The following KIF21A variants were observed in gnomAD, a reference collection of about 807,000 sequenced individuals.
KIF21A encodes the protein kinesin-like protein KIF21A.
In KIF21A, 114 loss-of-function variants were observed where a neutral mutation model predicts 202.9. The observed-to-expected ratio is 0.56, with a 90% CI of 0.48 to 0.66. The LOEUF (loss-of-function observed/expected upper bound fraction) is 0.66, where lower values mean the gene tolerates loss of function less well. Among genes scored for constraint, KIF21A ranks in the 30% least tolerant of loss-of-function variants. KIF21A has a pLI of 0.00. For missense variants in KIF21A, 1,677 were observed against 1,994.9 expected, an observed-to-expected ratio of 0.84 and a Z score of 3.04; for synonymous variants, 667 against 670.8, an observed-to-expected ratio of 0.99 and a Z score of 0.09.
intron 1 of KIF21A, among the ~76,000 whole-genome samples, chr12:39,371,315 G>A (rs1027516529): frequency 2.0e-5 from 3 of 152,038 alleles, no homozygotes; most frequent in Admixed American, 6.6e-5. Context: ...AAAACTTAGT[G>A]AATTATTATG....
chr12:39,298,213 G>A (rs1416953105), intron 37 of KIF21A, among the ~76,000 whole-genome samples: 2 of 152,112 alleles, frequency 1.3e-5, no homozygotes, highest in African/African-American at 4.8e-5. Flanking sequence ...CAAAGGGAGA[G>A]GGAACCCAAG....
At chr12:39,336,350 A>G (rs116816702) in intron 17 of KIF21A, among the ~76,000 whole-genome samples, 19 of 152,310 alleles carry the variant, frequency 1.2e-4, no homozygotes, top group African/African-American at 4.3e-4. Context: ...CACAACTACA[A>G]TTAGCACGTT....
At chr12:39,408,440 C>T (rs1952787686) in intron 1 of KIF21A, among the ~76,000 whole-genome samples, 2 of 152,110 alleles carry the variant, frequency 1.3e-5, no homozygotes, top group Non-Finnish European at 2.9e-5. Flanking sequence ...AGACTGGTAA[C>T]AGTTCCTAGC....
At chr12:39,438,585 C>G (rs949741043) in intron 1 of KIF21A, among the ~76,000 whole-genome samples, 2 of 152,126 alleles carry the variant, frequency 1.3e-5, no homozygotes, top group African/African-American at 4.8e-5. Context: ...AGGTGAAAAC[C>G]TAGCAAACTG....
At chr12:39,294,650 C>T in intron 37 of KIF21A, 133 bp from the exon 38 acceptor site, 1 of 693,242 alleles carries the variant, frequency 1.4e-6, no homozygotes, top group Non-Finnish European at 2.5e-6. Context: ...TATGCATTGT[C>T]TCATTTATAT....
chr12:39,396,125 G>A (rs939001598), intron 1 of KIF21A, among the ~76,000 whole-genome samples: 5 of 152,074 alleles, frequency 3.3e-5, no homozygotes, highest in Admixed American at 6.6e-5. Flanking sequence ...GATTACCTAA[G>A]ATAGCCATCA....
rs533477248 is a variant in KIF21A, at chr12:39,405,885, T to C, written c.45-35624A>G. 3.4e-4 allele frequency among the ~76,000 whole-genome samples: 52 copies of C among 152,286 alleles called. 2 individuals carry two copies. Among genetic ancestry groups the C allele is most frequent in the Middle Eastern group, 6.8e-3 (2 of 294 alleles). On this transcript the variant is annotated intron_variant, in intron 1 of 37. Transcript: ENST00000361418. ...GAAAAATAATAAAGTCACTCAGTAG[T>C]GGACAAAATAGTAACAAGACAGTTA...
At position 39,367,034 on chromosome 12, in the gene KIF21A, T is replaced by G. The variant is rs1949648806; in HGVS notation, c.731A>C (p.Asp244Ala). 1.2e-6 allele frequency: 2 copies of G among 1,613,050 alleles called. No homozygotes were observed. ...AAATTAGAATTAATAACTCACAGCA[T>G]CTATTTGGGGACACACTCTGGTTTG... Reference protein sequence around the residue: ...VCQTRVCPQIDADNATDNKII... With the variant: ...VCQTRVCPQIAADNATDNKII... Residue 244 changes from aspartate to alanine, a missense_variant, in exon 5 of 38, where the codon GAT becomes GCT. Asp to Ala is a moderately radical substitution (Grantham distance 126). This residue lies in a region of KIF21A where 966 missense variants were observed against 1,180.9 expected (regional missense o/e 0.82). Transcript: ENST00000361418.
At chr12:39,411,187 A>G (rs1398044848) in intron 1 of KIF21A, among the ~76,000 whole-genome samples, 1 of 152,182 alleles carries the variant, frequency 6.6e-6, no homozygotes, top group Non-Finnish European at 1.5e-5. Context: ...CTCTTATCCT[A>G]AAGTCTTATT....
At chr12:39,332,077 A>T in intron 21 of KIF21A, 137 bp downstream of exon 21, 1 of 786,504 alleles carries the variant, frequency 1.3e-6, no homozygotes. Flanking sequence ...AGGAAGTGGC[A>T]TACATGTAAA....
rs553782617 is a variant in KIF21A at position 39,341,236 on chromosome 12, C to T, written c.1922-142G>A. 65 of 771,538 alleles carry T rather than the reference C, an allele frequency of 8.4e-5. 1 individual carries two copies. The East Asian group carries it at 1.6e-3, about 19-fold the overall frequency. 47.8% of individuals were successfully genotyped at this position (771,538 alleles called of 1,614,324 possible). ...TAGAAAAATTTCCTGGAAAAACCAA[C>T]AACCAAAAGGTGAATGAGATAAAGA... On this transcript the variant is annotated intron_variant, in intron 14 of 37. Coordinates refer to ENST00000361418, the MANE Select transcript of KIF21A (RefSeq NM_001173464.2).
At chr12:39,315,433 A>G (rs879329335) in intron 30 of KIF21A, among the ~76,000 whole-genome samples, 193 bp from the exon 31 acceptor site, 2 of 151,986 alleles carry the variant, frequency 1.3e-5, no homozygotes, top group Non-Finnish European at 2.9e-5. Context: ...AAGAATATTT[A>G]TTTTAAAAAA....
At chr12:39,315,607 G>C (rs1167899871) in intron 30 of KIF21A, among the ~76,000 whole-genome samples, 2 of 151,616 alleles carry the variant, frequency 1.3e-5, no homozygotes, top group African/African-American at 4.8e-5. Context: ...TGAGGCATTA[G>C]AAATACCTAA....
At chr12:39,315,090 G>A (rs1325133153) in intron 31 of KIF21A, 139 bp downstream of exon 31, 6 of 769,232 alleles carry the variant, frequency 7.8e-6, no homozygotes, top group Non-Finnish European at 1.4e-5. Flanking sequence ...ACAAGTTTAA[G>A]GTTAAATATG....
chr12:39,328,249 G>A (rs1054600419), intron 24 of KIF21A, among the ~76,000 whole-genome samples: 6 of 152,154 alleles, frequency 3.9e-5, no homozygotes, highest in Admixed American at 2.0e-4. Flanking sequence ...AGTCTAGACT[G>A]ACAGAAGGTA....
In KIF21A at chr12:39,340,247, G is replaced by A. The variant is rs961965933; in HGVS notation, c.2228C>T (p.Ala743Val). ...CTGAGACTGATTTTTAAGCAACCTT[G>A]CATGTTCTTTTTGAGCTGCTTGAAG... is the stretch of plus-strand genomic sequence containing the variant. ...QRLQAAQKEH[A>V]RLLKNQSQYE... is the part of the protein sequence containing the mutation. The change falls in exon 16 of 38, where the codon GCA becomes GTA. Residue 743 changes from alanine (A) to valine (V), a missense_variant. By Grantham distance (64) the Ala-to-Val change is moderately conservative (BLOSUM62 0). Around this residue, in one of 3 missense-constraint regions of KIF21A, gnomAD observed 966 missense variants for 1,180.9 expected, o/e 0.82. Transcript: ENST00000361418. 2.5e-6 allele frequency: 4 copies of A among 1,613,000 alleles called. No individual in the cohort carries two copies. The highest frequency in any genetic ancestry group is 3.4e-6 in the Non-Finnish European group (4 of 1,179,500).
chr12:39,295,240 T>C (rs1354870440), intron 37 of KIF21A, among the ~76,000 whole-genome samples: 2 of 152,288 alleles, frequency 1.3e-5, no homozygotes, highest in African/African-American at 2.4e-5. Flanking sequence ...AGGGAAGAAA[T>C]AGTATTTCTG....
intron 36 of KIF21A, 138 bp downstream of exon 36, chr12:39,302,827 A>G (rs779407802): frequency 1.4e-5 from 11 of 776,650 alleles, no homozygotes; most frequent in Non-Finnish European, 2.5e-5. Context: ...GGGAGGATGA[A>G]ACATTCTTTA....
chr12:39,356,558 T>C (rs1366080719), intron 10 of KIF21A: 2 of 284,478 alleles, frequency 7.0e-6, no homozygotes, highest in African/African-American at 2.2e-5. Flanking sequence ...ACATAAACTT[T>C]GCCTGTTTTA....
Sources: gnomAD v4.1 joint callset for allele counts (sites outside exome capture counted in the v4.1 genomes callset) on GRCh38, gnomAD v4.1.1 for gene constraint, gnomAD v4.1.1 regional missense constraint, MANE v1.5 for transcripts, NCBI Gene and HGNC (gene_info 2026-07-23, HGNC 2026-07-21) for gene names.